Variants in KCNH5 observed in about 807,000 individuals in gnomAD.
KCNH5 encodes potassium voltage-gated channel subfamily H member 5.
A neutral mutation model predicts 96.1 loss-of-function variants in KCNH5; 46 were observed. The ratio of observed to expected loss-of-function variants is 0.48; its 90% CI spans 0.38 to 0.61. The LOEUF (loss-of-function observed/expected upper bound fraction) is 0.61. KCNH5 is among the 20% of genes least tolerant of loss of function. KCNH5 has a pLI of 0.00. For missense variants in KCNH5, 907 were observed against 1,225.8 expected (o/e 0.74, Z 3.88); for synonymous variants, 439 against 449.8 (o/e 0.98, Z 0.30).
chr14:62,948,088 T>C (rs1889927525), intron 7 of KCNH5, among the ~76,000 whole-genome samples: 1 of 152,066 alleles, frequency 6.6e-6, no homozygotes, highest in Non-Finnish European at 1.5e-5. Context: ...TTTGGTTTTT[T>C]GTTCTTGCGA....
At chr14:62,816,681 G>A (rs1024476930) in intron 8 of KCNH5, among the ~76,000 whole-genome samples, 3 of 151,996 alleles carry the variant, frequency 2.0e-5, no homozygotes, top group South Asian at 4.2e-4. Flanking sequence ...TGGCAGTAAT[G>A]CATGCATAAA....
chr14:62,827,287 A>G (rs941398489), intron 8 of KCNH5, among the ~76,000 whole-genome samples: 3 of 152,142 alleles, frequency 2.0e-5, no homozygotes, highest in Non-Finnish European at 2.9e-5. Context: ...TTTGCTACCC[A>G]AAGTACGGTT....
At chr14:62,725,832 A>T (rs868678458) in intron 10 of KCNH5, among the ~76,000 whole-genome samples, 2 of 152,250 alleles carry the variant, frequency 1.3e-5, no homozygotes, top group Admixed American at 6.5e-5. Context: ...AAAATGCAAA[A>T]GGCCTACAAT....
chr14:62,868,428 C>T (rs1888178753), intron 7 of KCNH5, among the ~76,000 whole-genome samples: 1 of 152,158 alleles, frequency 6.6e-6, no homozygotes, highest in South Asian at 2.1e-4. Context: ...AAAGTAATTG[C>T]TGTTTTTGCC....
At chr14:62,955,620 A>G (rs1303548971) in intron 6 of KCNH5, among the ~76,000 whole-genome samples, 2 of 152,146 alleles carry the variant, frequency 1.3e-5, no homozygotes, top group African/African-American at 4.8e-5. Context: ...ATAATGTGTA[A>G]CTTATCCAAC....
At chr14:62,815,908 G>A (rs1431760059) in intron 8 of KCNH5, among the ~76,000 whole-genome samples, 4 of 151,706 alleles carry the variant, frequency 2.6e-5, no homozygotes, top group Admixed American at 2.6e-4. Flanking sequence ...GAAAGTAAAG[G>A]TAGTCAAAAT....
Position 62,703,889 on chromosome 14 carries a change from A to G in KCNH5, c.*3619T>C, listed in dbSNP as rs545481208. 6.6e-6 allele frequency: 1 copy of G among 152,044 alleles called. No homozygotes were observed. Among genetic ancestry groups the G allele is most frequent in the East Asian group, 1.9e-4 (1 of 5,186 alleles). 9.4% of individuals were successfully genotyped at this position (152,044 alleles called of 1,614,324 possible). A position where few individuals can be genotyped will look rare whatever the true frequency, so the allele number is the denominator to read the frequency against. ...GATAGTGGAATTCATTAGAAATATG[A>G]TGAATAATTTCACAAATATCTGCCA... On this transcript the variant is annotated 3_prime_UTR_variant, in exon 11 of 11. Coordinates refer to ENST00000322893, the MANE Select transcript of KCNH5 (RefSeq NM_139318.5).
At chr14:62,789,437 T>C (rs1051798392) in intron 9 of KCNH5, among the ~76,000 whole-genome samples, 3 of 151,996 alleles carry the variant, frequency 2.0e-5, no homozygotes, top group African/African-American at 7.2e-5. Context: ...CACCTTTGGG[T>C]ATTTACCCAG....
At chr14:62,994,119 T>C (rs1890863721) in intron 4 of KCNH5, among the ~76,000 whole-genome samples, 2 of 152,008 alleles carry the variant, frequency 1.3e-5, no homozygotes, top group African/African-American at 4.8e-5. Flanking sequence ...AATCTATAAG[T>C]AAAAAGCTTA....
chr14:62,828,895 T>C (rs576682796), intron 8 of KCNH5, among the ~76,000 whole-genome samples: 1 of 152,246 alleles, frequency 6.6e-6, no homozygotes, highest in African/African-American at 2.4e-5. Flanking sequence ...TCCTTCTGCC[T>C]ATGAGCCTGT....
intron 7 of KCNH5, among the ~76,000 whole-genome samples, chr14:62,860,787 G>C (rs2140056680): frequency 6.6e-6 from 1 of 152,180 alleles, no homozygotes; most frequent in East Asian, 1.9e-4. Flanking sequence ...GGCTAACTTA[G>C]TCACTAAAAG....
intron 8 of KCNH5, among the ~76,000 whole-genome samples, chr14:62,829,296 A>T (rs1281485451): frequency 1.3e-5 from 2 of 152,058 alleles, no homozygotes; most frequent in South Asian, 4.1e-4. Flanking sequence ...TCACAGCTTC[A>T]CTAGGAAGTA....
intron 7 of KCNH5, among the ~76,000 whole-genome samples, chr14:62,901,892 T>C (rs190253684): frequency 5.9e-5 from 9 of 152,308 alleles, no homozygotes; most frequent in Admixed American, 3.9e-4. Context: ...CAGCATCTAT[T>C]TTTACTTTTT....
chr14:62,918,094 C>A (rs895218786), intron 7 of KCNH5, among the ~76,000 whole-genome samples: 3 of 151,978 alleles, frequency 2.0e-5, no homozygotes, highest in Non-Finnish European at 4.4e-5. Context: ...TTGGGATGAG[C>A]CATGGGAAGT....
At chr14:63,036,472 TA>T (rs1211153030) in intron 1 of KCNH5, among the ~76,000 whole-genome samples, 1 of 147,836 alleles carries the variant, frequency 6.8e-6, no homozygotes, top group Middle Eastern at 3.2e-3. Flanking sequence ...ACAAAAATAC[TA>T]AAGACACTTT....
intron 8 of KCNH5, among the ~76,000 whole-genome samples, chr14:62,846,789 CTTTTTTTTTTT>C (rs766919022): frequency 1.3e-4 from 9 of 67,480 alleles, no homozygotes; most frequent in East Asian, 5.3e-4. Flanking sequence ...TGTATTGTAT[CTTTTTTTTTTT>C]TTTTTTTTTT....
chr14:62,739,919 C>T (rs1885236544), intron 10 of KCNH5, among the ~76,000 whole-genome samples: 1 of 152,110 alleles, frequency 6.6e-6, no homozygotes. Flanking sequence ...ACATAAAACA[C>T]AATGAAATGT....
chr14:63,020,825 C>CCTCTGGA (rs1475347450), intron 1 of KCNH5, among the ~76,000 whole-genome samples: 1 of 152,050 alleles, frequency 6.6e-6, no homozygotes, highest in Non-Finnish European at 1.5e-5. Flanking sequence ...CAATGGATAA[C>CCTCTGGA]TCCGTCTGAC....
At chr14:62,723,836 T>C (rs2139916518) in intron 10 of KCNH5, among the ~76,000 whole-genome samples, 1 of 152,334 alleles carries the variant, frequency 6.6e-6, no homozygotes, top group East Asian at 1.9e-4. Context: ...AACTGCTTAT[T>C]TTGAATTGAA....
Sources: allele counts gnomAD v4.1 joint callset (sites outside exome capture counted in the v4.1 genomes callset), GRCh38; gene constraint gnomAD v4.1.1; transcripts MANE v1.5; gene names NCBI Gene and HGNC (gene_info 2026-07-23, HGNC 2026-07-21).